The following ABTB2 variants were observed in gnomAD, a reference collection of about 807,000 sequenced individuals.
ABTB2 encodes the protein ankyrin repeat and BTB domain containing 2.
Under a neutral mutation model 104.1 loss-of-function variants are expected in ABTB2, and 56 were observed. The ratio of observed to expected loss-of-function variants is 0.54; its 90% CI spans 0.43 to 0.67. The LOEUF is 0.67. ABTB2 is among the 30% of genes least tolerant of loss of function. The pLI, the probability that ABTB2 is intolerant of heterozygous loss-of-function variation, is 0.00. For missense variants in ABTB2, 1,279 were observed against 1,407.7 expected (o/e 0.91, Z 1.46); for synonymous variants, 606 against 608.2 (o/e 1.00, Z 0.05).
chr11:34,183,509 G>A (rs927852703), intron 3 of ABTB2, among the ~76,000 whole-genome samples: 3 of 152,208 alleles, frequency 2.0e-5, no homozygotes, highest in Non-Finnish European at 4.4e-5. Context: ...TACTGCCCTC[G>A]GCTAGAGAGA....
intron 1 of ABTB2, among the ~76,000 whole-genome samples, chr11:34,241,393 C>T (rs1853914467): frequency 6.6e-6 from 1 of 152,118 alleles, no homozygotes; most frequent in African/African-American, 2.4e-5. Flanking sequence ...AGGGTGCCCA[C>T]CTCATCCTCT....
intron 3 of ABTB2, among the ~76,000 whole-genome samples, chr11:34,195,644 C>A (rs534060453): frequency 2.0e-5 from 3 of 152,194 alleles, no homozygotes; most frequent in Non-Finnish European, 4.4e-5. Flanking sequence ...GAGCCTGTGT[C>A]GTGGGGCCAG....
chr11:34,343,767 C>G (rs188813245), intron 1 of ABTB2, among the ~76,000 whole-genome samples: 14 of 152,266 alleles, frequency 9.2e-5, no homozygotes, highest in African/African-American at 7.2e-5. Context: ...AGCCACCATG[C>G]CTGGCTGACA....
intron 1 of ABTB2, among the ~76,000 whole-genome samples, chr11:34,225,757 A>AAAAT (rs1487323625): frequency 6.6e-6 from 1 of 152,124 alleles, no homozygotes; most frequent in Non-Finnish European, 1.5e-5. Flanking sequence ...CTCCACCTCA[A>AAAAT]AAATAAATAA....
chr11:34,213,125 A>G (rs1395689744), intron 1 of ABTB2, among the ~76,000 whole-genome samples: 2 of 152,096 alleles, frequency 1.3e-5, no homozygotes, highest in East Asian at 1.9e-4. Context: ...GGCTCCTCCA[A>G]TTCTCAGAGG....
intron 1 of ABTB2, among the ~76,000 whole-genome samples, chr11:34,237,622 G>GCTCTTCTGTAATC (rs1166757513): frequency 2.6e-5 from 4 of 152,012 alleles, no homozygotes; most frequent in Non-Finnish European, 4.4e-5. Context: ...CCCACTAAAG[G>GCTCTTCTGTAATC]CCAGGCTCAC....
At chr11:34,189,444 T>C (rs1306150370) in intron 3 of ABTB2, among the ~76,000 whole-genome samples, 1 of 151,866 alleles carries the variant, frequency 6.6e-6, no homozygotes, top group Non-Finnish European at 1.5e-5. Flanking sequence ...CTACAAAAAA[T>C]AAAAAAATTA....
chr11:34,318,151 T>G (rs1187457517), intron 1 of ABTB2, among the ~76,000 whole-genome samples: 1 of 152,110 alleles, frequency 6.6e-6, no homozygotes, highest in Non-Finnish European at 1.5e-5. Flanking sequence ...GCATTTTTAG[T>G]AGAGACAAGC....
At chr11:34,265,358 C>G (rs780155703) in intron 1 of ABTB2, among the ~76,000 whole-genome samples, 1 of 152,188 alleles carries the variant, frequency 6.6e-6, no homozygotes, top group African/African-American at 2.4e-5. Context: ...AGAGCTGATG[C>G]TCTTAAAACC....
intron 6 of ABTB2, among the ~76,000 whole-genome samples, 161 bp downstream of exon 6, chr11:34,167,742 C>T (rs1022901569): frequency 6.6e-6 from 1 of 152,254 alleles, no homozygotes; most frequent in East Asian, 1.9e-4. Flanking sequence ...CTTGAGGAGA[C>T]TTCCCTGGCT....
chr11:34,217,180 C>G lies in ABTB2; in HGVS notation c.884-12490G>C, dbSNP rs552330411. Among the ~76,000 whole-genome samples, 4 of 152,350 alleles carry G rather than the reference C, an allele frequency of 2.6e-5. No individual in the cohort carries two copies. In the South Asian group the frequency reaches 8.3e-4, roughly 32 times the overall value. On this transcript the variant is annotated intron_variant, in intron 1 of 16. Coordinates refer to ENST00000435224, the MANE Select transcript of ABTB2 (RefSeq NM_145804.3). The stretch of plus-strand genomic sequence containing the variant: ...TACCTTTGCTGCTGCTGTAAACTGC[C>G]ACTTCAATAAAAGCTGTTTAACACC...
chr11:34,213,356 T>C (rs1853507333), intron 1 of ABTB2, among the ~76,000 whole-genome samples: 1 of 152,178 alleles, frequency 6.6e-6, no homozygotes, highest in African/African-American at 2.4e-5. Context: ...GGCAGGTGCC[T>C]GTAGTCCCAG....
chr11:34,290,139 A>T (rs1022508497), intron 1 of ABTB2, among the ~76,000 whole-genome samples: 3 of 152,228 alleles, frequency 2.0e-5, no homozygotes, highest in Admixed American at 2.0e-4. Context: ...TGTGGAAAAA[A>T]ATCATGAGAT....
intron 1 of ABTB2, among the ~76,000 whole-genome samples, chr11:34,347,363 AAGG>A (rs1325724907): frequency 5.3e-5 from 8 of 152,100 alleles, no homozygotes; most frequent in Non-Finnish European, 1.2e-4. Context: ...TTGAACCTGG[AAGG>A]AGGAGGCTGC....
intron 1 of ABTB2, among the ~76,000 whole-genome samples, chr11:34,272,339 G>C (rs766729675): frequency 1.3e-5 from 2 of 148,694 alleles, no homozygotes; most frequent in African/African-American, 5.0e-5. Context: ...GAAAGGTCCT[G>C]TGTATTCTTT....
chr11:34,166,967 C>T (rs1041376741), intron 7 of ABTB2, among the ~76,000 whole-genome samples: 2 of 152,238 alleles, frequency 1.3e-5, no homozygotes, highest in Non-Finnish European at 2.9e-5. Context: ...GGACAGCCCC[C>T]AGTGTGCCCG....
chr11:34,264,696 T>A (rs567662110), intron 1 of ABTB2, among the ~76,000 whole-genome samples: 1 of 152,314 alleles, frequency 6.6e-6, no homozygotes, highest in African/African-American at 2.4e-5. Flanking sequence ...GTGGGTGGCA[T>A]GGACTGGCCA....
In ABTB2 at chr11:34,209,983, C is replaced by T. The variant is rs189664885; in HGVS notation, c.884-5293G>A. Among the ~76,000 whole-genome samples, 4 of 152,012 alleles carry T rather than the reference C, an allele frequency of 2.6e-5. No homozygotes were observed. The East Asian group carries it at 7.7e-4, about 29-fold the overall frequency. On this transcript the variant is annotated intron_variant, in intron 1 of 16. Coordinates refer to ENST00000435224, the MANE Select transcript of ABTB2 (RefSeq NM_145804.3). ...CCACCAGGGCCCAGAGAGGGTGCCA[C>T]TGAGTTAGAAGGGAAACCCAGTTCT... is the stretch of plus-strand genomic sequence containing the variant.
At chr11:34,167,127 G>A (rs955279578) in intron 7 of ABTB2, 132 bp downstream of exon 7, 4 of 791,456 alleles carry the variant, frequency 5.1e-6, no homozygotes, top group Non-Finnish European at 8.2e-6. Flanking sequence ...GATCAGGTGA[G>A]CTGGCCTCAA....
Sources: allele counts gnomAD v4.1 joint callset (sites outside exome capture counted in the v4.1 genomes callset), GRCh38; gene constraint gnomAD v4.1.1; transcripts MANE v1.5; gene names NCBI Gene and HGNC (gene_info 2026-07-23, HGNC 2026-07-21).